Variants in WNT3A observed in about 807,000 individuals in gnomAD.
WNT3A encodes the protein Wnt family member 3A.
A neutral mutation model predicts 37.0 loss-of-function variants in WNT3A; 17 were observed. The observed-to-expected ratio is 0.46, with a 90% CI of 0.31 to 0.69. The LOEUF is 0.69. Among genes scored for constraint, WNT3A ranks in the 30% least tolerant of loss-of-function variants. WNT3A has a pLI of 0.05. For synonymous variants in WNT3A, 187 were observed against 211.0 expected (o/e 0.89, Z 0.99); for missense variants, 411 against 510.2 (o/e 0.81, Z 1.87).
chr1:228,027,351 T>C (rs1012526725), intron 2 of WNT3A, among the ~76,000 whole-genome samples: 3 of 152,248 alleles, frequency 2.0e-5, no homozygotes, highest in African/African-American at 4.8e-5. Context: ...GGAATCACCA[T>C]ACTGTTTTCC....
chr1:228,012,970 A>G (rs992968764), intron 1 of WNT3A, among the ~76,000 whole-genome samples: 30 of 152,128 alleles, frequency 2.0e-4, no homozygotes, highest in Non-Finnish European at 2.1e-4. Context: ...CTCGACCCTC[A>G]TGGGCTCAAG....
intron 2 of WNT3A, among the ~76,000 whole-genome samples, chr1:228,049,053 G>A (rs2031487009): frequency 6.6e-6 from 1 of 152,250 alleles, no homozygotes; most frequent in Non-Finnish European, 1.5e-5. Context: ...AATGTCAGCA[G>A]CGGCAGACAC....
intron 2 of WNT3A, among the ~76,000 whole-genome samples, chr1:228,049,039 C>A (rs1280882777): frequency 6.6e-6 from 1 of 152,256 alleles, no homozygotes; most frequent in African/African-American, 2.4e-5. Context: ...ACCCAGGCAG[C>A]TCCAATGTCA....
In WNT3A at chr1:228,037,123, A is replaced by G. The variant is rs3121310; in HGVS notation, c.314-13533A>G. On this transcript the variant is annotated intron_variant, in intron 2 of 3. Coordinates refer to ENST00000284523, the MANE Select transcript of WNT3A (RefSeq NM_033131.4). This position sits in a 1 kb window ranked among gnomAD's most constrained non-coding sequence, Gnocchi z 4.1. ...AGTAAGTGTGCTTCCCACAACTCCC[A>G]GTGGACACTTCCCAGAGCCCTGGGG... 0.62 allele frequency among the ~76,000 whole-genome samples: 94,016 copies of G among 151,936 alleles called. 29,753 individuals carry two copies. Among genetic ancestry groups the G allele is most frequent in the South Asian group, 0.74 (3,572 of 4,824 alleles).
At position 228,060,408 on chromosome 1, in the gene WNT3A, C is replaced by A; in HGVS notation, c.*943C>A. 1 of 908,704 alleles carries A rather than the reference C, an allele frequency of 1.1e-6. No homozygotes were observed. The highest frequency in any genetic ancestry group is 1.5e-6 in the Non-Finnish European group (1 of 651,440). The allele number at this position is 908,704 out of a possible 1,614,324, so 56.3% of individuals were successfully genotyped here. ...GCGCCGACGCCTGTGCCACCCCTTCCTCAGCCTGGGGTTTGACCACCCACC... is the reference window on the plus strand; with the variant it reads ...GCGCCGACGCCTGTGCCACCCCTTCATCAGCCTGGGGTTTGACCACCCACC... On this transcript the variant is annotated 3_prime_UTR_variant, in exon 4 of 4. Transcript: ENST00000284523.
chr1:228,034,057 T>C (rs562899179), intron 2 of WNT3A, among the ~76,000 whole-genome samples: 1 of 151,928 alleles, frequency 6.6e-6, no homozygotes, highest in East Asian at 1.9e-4. Context: ...AGGTCAGGGG[T>C]TCAAGAACAC....
chr1:228,007,234 G>A lies in WNT3A; in HGVS notation c.71+35G>A. ...CCTCCTCGCGTTCGCCCCTGCCCCTGTGCGCCGCGCCCGCAGCAGACGGTC... is the reference window on the plus strand; with the variant it reads ...CCTCCTCGCGTTCGCCCCTGCCCCTATGCGCCGCGCCCGCAGCAGACGGTC... On this transcript the variant is annotated intron_variant, in intron 1 of 3. Transcript: ENST00000284523. The surrounding 1 kb of genome is among the most constrained non-coding windows in gnomAD (Gnocchi z 6.0). 1.3e-6 allele frequency: 2 copies of A among 1,580,738 alleles called. No individual in the cohort carries two copies. The highest frequency in any genetic ancestry group is 8.6e-7 in the Non-Finnish European group (1 of 1,163,566).
rs568838279 is a variant in WNT3A at position 228,040,582 on chromosome 1, G to A, written c.314-10074G>A. Among the ~76,000 whole-genome samples the A allele has an allele frequency of 4.2e-3, 644 of 152,208 alleles. 2 individuals are homozygous for A. The highest frequency in any genetic ancestry group is 6.0e-3 in the Non-Finnish European group (407 of 68,010). On this transcript the variant is annotated intron_variant, in intron 2 of 3. Coordinates refer to ENST00000284523, the MANE Select transcript of WNT3A (RefSeq NM_033131.4). The stretch of plus-strand genomic sequence containing the variant: ...ATGATTTGGGCAAATGTTGTTCAAC[G>A]TTTAAGAATTTGGAAACATGGCCGG...
intron 3 of WNT3A, among the ~76,000 whole-genome samples, chr1:228,058,363 C>T (rs1399458707): frequency 6.6e-6 from 1 of 151,128 alleles, no homozygotes; most frequent in Non-Finnish European, 1.5e-5. Context: ...CCTTCACGCT[C>T]ACCCCTACCC....
At chr1:228,047,668 C>T (rs1018810844) in intron 2 of WNT3A, among the ~76,000 whole-genome samples, 1 of 152,142 alleles carries the variant, frequency 6.6e-6, no homozygotes, top group Non-Finnish European at 1.5e-5. Context: ...GTTTAATTGG[C>T]TCAGGGTTCT....
chr1:228,046,103 A>C (rs73110782), intron 2 of WNT3A, among the ~76,000 whole-genome samples: 10,108 of 152,320 alleles, frequency 0.066, 1,126 homozygotes, highest in African/African-American at 0.23. Context: ...AGGAACCGGA[A>C]AGAGCCCGAG....
chr1:228,053,937 T>G (rs1285621173), intron 3 of WNT3A, among the ~76,000 whole-genome samples: 1 of 152,196 alleles, frequency 6.6e-6, no homozygotes, highest in African/African-American at 2.4e-5. Context: ...GACCATCTAG[T>G]GAGGAATTAG....
chr1:228,030,851 C>T (rs2030984731), intron 2 of WNT3A, among the ~76,000 whole-genome samples: 1 of 152,380 alleles, frequency 6.6e-6, no homozygotes, highest in South Asian at 2.1e-4. Context: ...CTCTGGTCAG[C>T]CCCATGAGCT....
At position 228,018,214 on chromosome 1, in the gene WNT3A, C is replaced by G. The variant is rs760755533; in HGVS notation, c.72-4453C>G. ...ACTCACTGCAGCCAATACTCCCTGG[C>G]GAGACCCTGAGACAGGCCTGTCTGT... is the stretch of plus-strand genomic sequence containing the variant. On this transcript the variant is annotated intron_variant, in intron 1 of 3. Coordinates refer to ENST00000284523, the MANE Select transcript of WNT3A (RefSeq NM_033131.4). Among the ~76,000 whole-genome samples the G allele has an allele frequency of 3.3e-5, 5 of 152,208 alleles. No homozygotes were observed. In the South Asian group the frequency reaches 1.0e-3, roughly 32 times the overall value.
Position 228,059,334 on chromosome 1 carries a change from C to T in WNT3A, c.928C>T (p.Leu310=). Residue 310 remains leucine (L), a synonymous_variant, in exon 4 of 4, where the codon CTG becomes TTG. Transcript: ENST00000284523. The part of the protein sequence containing the change: ...SSHGIDGCDL[L]CCGRGHNARA... ...GCACGGCATCGACGGCTGCGACCTG[C>T]TGTGCTGCGGCCGCGGCCACAACGC... 4 of 1,570,012 alleles carry T rather than the reference C, an allele frequency of 2.5e-6. No homozygotes were observed. The highest frequency in any genetic ancestry group is 3.4e-6 in the Non-Finnish European group (4 of 1,162,636).
Position 228,057,993 on chromosome 1 carries a change from C to T in WNT3A, c.580-993C>T, listed in dbSNP as rs71650379. On this transcript the variant is annotated intron_variant, in intron 3 of 3. Coordinates refer to ENST00000284523, the MANE Select transcript of WNT3A (RefSeq NM_033131.4). The stretch of plus-strand genomic sequence containing the variant: ...CTGGGATCACAGGTTCCCGCCACCA[C>T]GCCTAATTTTTGTATTTTTAATAGA... Among the ~76,000 whole-genome samples the T allele has an allele frequency of 9.8e-3, 1,497 of 152,276 alleles. 12 individuals carry two copies. The highest frequency in any genetic ancestry group is 0.014 in the Non-Finnish European group (970 of 68,020).
At chr1:228,018,928 G>A (rs972589375) in intron 1 of WNT3A, among the ~76,000 whole-genome samples, 2 of 152,166 alleles carry the variant, frequency 1.3e-5, no homozygotes, top group African/African-American at 4.8e-5. Context: ...GAACTGGAGG[G>A]GCCCTCTGGT....
intron 2 of WNT3A, among the ~76,000 whole-genome samples, chr1:228,023,578 GAC>G (rs1381670926): frequency 6.6e-6 from 1 of 151,828 alleles, no homozygotes; most frequent in Non-Finnish European, 1.5e-5. Flanking sequence ...GACAGAGAGA[GAC>G]ACAGAGAGAG....
rs1294929700 is a variant in WNT3A at position 228,007,265 on chromosome 1, G to A, written c.71+66G>A. 2 of 1,506,574 alleles carry A rather than the reference G, an allele frequency of 1.3e-6. No homozygotes were observed. Among genetic ancestry groups the A allele is most frequent in the African/African-American group, 1.4e-5 (1 of 70,462 alleles). The allele number at this position is 1,506,574 out of a possible 1,614,324, so 93.3% of individuals were successfully genotyped here. On this transcript the variant is annotated intron_variant, in intron 1 of 3. Coordinates refer to ENST00000284523, the MANE Select transcript of WNT3A (RefSeq NM_033131.4). The surrounding 1 kb of genome is among the most constrained non-coding windows in gnomAD (Gnocchi z 6.0). ...CGCGCCCGCAGCAGACGGTCCCCTC[G>A]GGCAGGGACCCCGCGGTGGCCCGAG...
Sources: gnomAD v4.1 joint callset for allele counts (sites outside exome capture counted in the v4.1 genomes callset) on GRCh38, gnomAD v4.1.1 for gene constraint, Gnocchi (gnomAD v3.1) non-coding constraint, MANE v1.5 for transcripts, NCBI Gene and HGNC (gene_info 2026-07-23, HGNC 2026-07-21) for gene names.